The following KRT73 variants were observed in gnomAD, a reference collection of about 807,000 sequenced individuals.
The protein encoded by KRT73 is keratin, type II cytoskeletal 73.
A neutral mutation model predicts 47.2 loss-of-function variants in KRT73; 44 were observed. That is an observed-to-expected ratio of 0.93 (90% CI 0.73 to 1.20). The LOEUF (loss-of-function observed/expected upper bound fraction) is 1.20. KRT73 is among the 50% of genes most tolerant of loss of function. The pLI is 0.00. For missense variants in KRT73, 713 were observed against 704.5 expected, an observed-to-expected ratio of 1.01 and a Z score of -0.14; for synonymous variants, 285 against 291.3, an observed-to-expected ratio of 0.98 and a Z score of 0.22.
rs754531776 is a variant in KRT73, at chr12:52,609,307, G to A, written c.1332-26C>T. The A allele has an allele frequency of 3.1e-6, 5 of 1,609,080 alleles. No homozygotes were observed. In the South Asian group the frequency reaches 4.4e-5, roughly 14 times the overall value. Reference sequence around the variant, plus strand: ...CTGCAAGAGAGAAAAGCACAGGAGAGTCTGAATCACGTGGACTCCCATAGT... The same window carrying A: ...CTGCAAGAGAGAAAAGCACAGGAGAATCTGAATCACGTGGACTCCCATAGT... On this transcript the variant is annotated intron_variant, in intron 7 of 8. Coordinates refer to ENST00000305748, the MANE Select transcript of KRT73 (RefSeq NM_175068.3).
At chr12:52,614,736 C>A (rs569486618) in intron 3 of KRT73, 62 bp from the exon 4 acceptor site, 1 of 1,368,842 alleles carries the variant, frequency 7.3e-7, no homozygotes, top group Non-Finnish European at 1.0e-6. Context: ...GCCTCTCCAG[C>A]GAACTGACAC....
chr12:52,608,099 G>C lies in KRT73; in HGVS notation c.*97C>G, dbSNP rs1940619887. 7.6e-7 allele frequency: 1 copy of C among 1,308,518 alleles called. No homozygotes were observed. Among genetic ancestry groups the C allele is most frequent in the Non-Finnish European group, 1.1e-6 (1 of 948,166 alleles). 81.1% of individuals were successfully genotyped at this position (1,308,518 alleles called of 1,614,324 possible). A position where few individuals can be genotyped will look rare whatever the true frequency, so the allele number is the denominator to read the frequency against. On this transcript the variant is annotated 3_prime_UTR_variant, in exon 9 of 9. Transcript: ENST00000305748. ...GTCCACAGCAAAGCAAAGCAAGAAG[G>C]AGATGAGGACAAATGAGACAGAGGA...
At position 52,609,235 on chromosome 12, in the gene KRT73, T is replaced by C; in HGVS notation, c.1366+12A>G. Reference sequence around the variant, plus strand: ...GACTAAAAGTATTCCCTCAGAGTCATGAAATACTCACAAATGCTCACGGAG... The same window carrying C: ...GACTAAAAGTATTCCCTCAGAGTCACGAAATACTCACAAATGCTCACGGAG... On this transcript the variant is annotated intron_variant, in intron 8 of 8. Coordinates refer to ENST00000305748, the MANE Select transcript of KRT73 (RefSeq NM_175068.3). 4 of 1,611,422 alleles carry C rather than the reference T, an allele frequency of 2.5e-6. No individual in the cohort carries two copies. The highest frequency in any genetic ancestry group is 3.4e-6 in the Non-Finnish European group (4 of 1,177,592).
the KRT73 span, among the ~76,000 whole-genome samples, chr12:52,629,887 G>T: frequency 2.0e-5 from 3 of 151,996 alleles, no homozygotes; most frequent in African/African-American, 7.3e-5. Context: ...ACCCACAGTC[G>T]CCTCATGGCC....
chr12:52,615,330 T>G lies in KRT73; in HGVS notation c.672A>C (p.Glu224Asp). The G allele has an allele frequency of 6.2e-7, 1 of 1,614,036 alleles. No individual in the cohort carries two copies. The highest frequency in any genetic ancestry group is 8.5e-7 in the Non-Finnish European group (1 of 1,179,906). The change falls in exon 3 of 9, where the codon GAA becomes GAC. Residue 224 changes from glutamate (E) to aspartate (D), a missense_variant. Coordinates refer to ENST00000305748, the MANE Select transcript of KRT73 (RefSeq NM_175068.3). ...CAGCAGTTGTGCGCTTGTTTATTTCTTCTTCATACCTGCAGGGAAAGCATC... is the reference window on the plus strand; with the variant it reads ...CAGCAGTTGTGCGCTTGTTTATTTCGTCTTCATACCTGCAGGGAAAGCATC... ...VVEDYKKRYE[E>D]EINKRTTAEN...
chr12:52,615,755 G>A (rs1378969461), intron 2 of KRT73, among the ~76,000 whole-genome samples: 1 of 152,178 alleles, frequency 6.6e-6, no homozygotes, highest in Admixed American at 6.5e-5. Flanking sequence ...GAGAAAGAAG[G>A]CACATGGCCC....
chr12:52,621,455 A>C (rs972691948), upstream of KRT73, among the ~76,000 whole-genome samples: 10 of 152,192 alleles, frequency 6.6e-5, no homozygotes, highest in Admixed American at 3.3e-4. Flanking sequence ...TCACAAACAT[A>C]AGAAGACTCT....
Position 52,608,090 on chromosome 12 carries a change from A to C in KRT73, c.*106T>G. The C allele has an allele frequency of 8.0e-7, 1 of 1,256,826 alleles. No homozygotes were observed. The highest frequency in any genetic ancestry group is 1.1e-6 in the Non-Finnish European group (1 of 904,512). The allele number at this position is 1,256,826 out of a possible 1,614,324, so 77.9% of individuals were successfully genotyped here. On this transcript the variant is annotated 3_prime_UTR_variant, in exon 9 of 9. Transcript: ENST00000305748. ...GGAGGAGAGGTCCACAGCAAAGCAA[A>C]GCAAGAAGGAGATGAGGACAAATGA...
chr12:52,620,338 A>G (rs994259192), upstream of KRT73, among the ~76,000 whole-genome samples: 1 of 152,140 alleles, frequency 6.6e-6, no homozygotes, highest in East Asian at 1.9e-4. Flanking sequence ...TCCCAACCTC[A>G]GGTGATCTGC....
chr12:52,609,252 C>G lies in KRT73; in HGVS notation c.1361G>C (p.Ser454Thr), dbSNP rs973978463. ...CAGAGTCATGAAATACTCACAAATG[C>G]TCACGGAGTTGGTATATTCTCCGGA... ...RMSGEYTNSVSISVINSSMAG... is the reference protein window; with the variant it reads ...RMSGEYTNSVTISVINSSMAG... Residue 454 changes from serine (S) to threonine (T), a missense_variant, in exon 8 of 9, where the codon AGC becomes ACC. Transcript: ENST00000305748. 1 of 1,613,644 alleles carries G rather than the reference C, an allele frequency of 6.2e-7. No individual in the cohort carries two copies. The highest frequency in any genetic ancestry group is 8.5e-7 in the Non-Finnish European group (1 of 1,179,594).
chr12:52,618,620 A>G (rs1940860769), upstream of KRT73: 1 of 1,328,352 alleles, frequency 7.5e-7, no homozygotes, highest in South Asian at 1.5e-5. Flanking sequence ...ATAGGACTCA[A>G]GAGGGAGCCA....
rs1186755848 is a variant in KRT73, at chr12:52,610,729, G to A, written c.1217C>T (p.Ala406Val). The A allele has an allele frequency of 6.2e-7, 1 of 1,613,792 alleles. No individual in the cohort carries two copies. The highest frequency in any genetic ancestry group is 1.7e-5 in the Admixed American group (1 of 59,994). The change falls in exon 7 of 9, where the codon GCC (alanine) becomes GTC (valine). Residue 406 changes from alanine to valine, a missense_variant. Transcript: ENST00000305748. ...CAGCATCCGTGCCAGCTCCTCCTTGGCCTGCTGCAGGGCGCCCTCCAGCTC... is the reference window on the plus strand; with the variant it reads ...CAGCATCCGTGCCAGCTCCTCCTTGACCTGCTGCAGGGCGCCCTCCAGCTC... ...LDELEGALQQ[A>V]KEELARMLRE...
In KRT73 at chr12:52,615,907, C is replaced by T. The variant is rs111372012; in HGVS notation, c.662+259G>A. ...GGTGAGCTTAGGAGCCAAGAGGCTG[C>T]GGCACACACAATACAGGCTCCCTTG... On this transcript the variant is annotated intron_variant, in intron 2 of 8. Coordinates refer to ENST00000305748, the MANE Select transcript of KRT73 (RefSeq NM_175068.3). Among the ~76,000 whole-genome samples, 523 of 152,242 alleles carry T rather than the reference C, an allele frequency of 3.4e-3. 3 individuals are homozygous for T. The highest frequency in any genetic ancestry group is 0.012 in the African/African-American group (492 of 41,522).
the KRT73 span, among the ~76,000 whole-genome samples, chr12:52,624,782 C>A: frequency 6.7e-6 from 1 of 149,340 alleles, no homozygotes. Context: ...GCAATTCAAC[C>A]CATAACAGAA....
At position 52,608,092 on chromosome 12, in the gene KRT73, CAAG is replaced by C; in HGVS notation, c.*101_*103del. ...AGGAGAGGTCCACAGCAAAGCAAAGCAAGAAGGAGATGAGGACAAATGAGACAG... is the reference window on the plus strand; with the variant it reads ...AGGAGAGGTCCACAGCAAAGCAAAGCAAGGAGATGAGGACAAATGAGACAG... On this transcript the variant is annotated 3_prime_UTR_variant, in exon 9 of 9. Coordinates refer to ENST00000305748, the MANE Select transcript of KRT73 (RefSeq NM_175068.3). 1.6e-6 allele frequency: 2 copies of C among 1,276,710 alleles called. No individual in the cohort carries two copies. Among genetic ancestry groups the C allele is most frequent in the Admixed American group, 2.3e-5 (1 of 43,198 alleles). The allele number at this position is 1,276,710 out of a possible 1,614,324, so 79.1% of individuals were successfully genotyped here.
chr12:52,618,581 A>C (rs1565631668), upstream of KRT73: 256 of 1,512,890 alleles, frequency 1.7e-4, no homozygotes, highest in Middle Eastern at 2.5e-4. Context: ...GATGCAGTTC[A>C]CCAGCCTGTG....
chr12:52,622,038 A>C (rs1245143471), upstream of KRT73, among the ~76,000 whole-genome samples: 1 of 152,244 alleles, frequency 6.6e-6, no homozygotes, highest in Non-Finnish European at 1.5e-5. Context: ...AGATTTAAAC[A>C]ATATCCAGAA....
At chr12:52,621,117 T>G (rs918817936), upstream of KRT73, among the ~76,000 whole-genome samples, 3 of 152,090 alleles carry the variant, frequency 2.0e-5, no homozygotes, top group Admixed American at 1.3e-4. Flanking sequence ...TTTCACACAG[T>G]GAGCTCCTTA....
chr12:52,611,255 C>G lies in KRT73; in HGVS notation c.1059G>C (p.Leu353=). 1 of 1,614,202 alleles carries G rather than the reference C, an allele frequency of 6.2e-7. No individual in the cohort carries two copies. Among genetic ancestry groups the G allele is most frequent in the Non-Finnish European group, 8.5e-7 (1 of 1,180,048 alleles). Residue 353 remains leucine (L), a synonymous_variant, in exon 6 of 9, where the codon CTG becomes CTC. Coordinates refer to ENST00000305748, the MANE Select transcript of KRT73 (RefSeq NM_175068.3). ...LKHTKNEISE[L]TRLIQRLRSE... The stretch of plus-strand genomic sequence containing the variant: ...AGCGCAGTCTTTGGATGAGACGGGT[C>G]AGCTCTGAGATCTCATTTTTGGTGT...
Sources: gnomAD v4.1 joint callset for allele counts (sites outside exome capture counted in the v4.1 genomes callset) on GRCh38, gnomAD v4.1.1 for gene constraint, MANE v1.5 for transcripts, NCBI Gene and HGNC (gene_info 2026-07-23, HGNC 2026-07-21) for gene names.